Variants in POLR3A observed in about 807,000 individuals in gnomAD.
POLR3A encodes RNA polymerase III subunit A, also known as DNA-directed RNA polymerase III subunit RPC1.
A neutral mutation model predicts 152.8 loss-of-function variants in POLR3A; 112 were observed. The ratio of observed to expected loss-of-function variants is 0.73; its 90% CI spans 0.63 to 0.86. POLR3A has a LOEUF of 0.86. Among genes scored for constraint, POLR3A ranks in the 40% least tolerant of loss-of-function variants. The pLI is 0.00. For missense variants in POLR3A, 1,385 were observed against 1,743.1 expected (o/e 0.79, Z 3.66); for synonymous variants, 615 against 652.1 (o/e 0.94, Z 0.87).
intron 2 of POLR3A, 28 bp from the exon 3 acceptor site, chr10:78,025,787 AAC>A (rs748604907): frequency 1.2e-6 from 2 of 1,611,542 alleles, no homozygotes; most frequent in African/African-American, 2.7e-5. Context: ...CCCAATGATC[AAC>A]ACAGACTGCT....
At chr10:78,000,155 A>G in intron 18 of POLR3A, 37 bp from the exon 19 acceptor site, 1 of 1,608,036 alleles carries the variant, frequency 6.2e-7, no homozygotes, top group Non-Finnish European at 8.5e-7. Context: ...TCAAACAAAA[A>G]AAGTTCAAGG....
intron 16 of POLR3A, among the ~76,000 whole-genome samples, chr10:78,004,369 A>T (rs1847389713): frequency 1.3e-5 from 2 of 152,240 alleles, no homozygotes; most frequent in African/African-American, 4.8e-5. Context: ...TACCAGTTAC[A>T]GAAGGGACCT....
chr10:78,018,890 T>G (rs376330221), intron 9 of POLR3A, among the ~76,000 whole-genome samples: 1 of 152,268 alleles, frequency 6.6e-6, no homozygotes, highest in East Asian at 1.9e-4. Flanking sequence ...CCAGCAATAA[T>G]GATCCTCTTT....
intron 28 of POLR3A, 109 bp downstream of exon 28, chr10:77,982,045 A>AAG: frequency 3.3e-6 from 2 of 609,406 alleles, no homozygotes; most frequent in Non-Finnish European, 5.2e-6. Flanking sequence ...TCTCAAAAAA[A>AAG]AAAAAAAAAA....
chr10:77,992,428 C>A (rs1389342788), intron 20 of POLR3A, among the ~76,000 whole-genome samples: 3 of 147,506 alleles, frequency 2.0e-5, no homozygotes. Context: ...GCCATCATCC[C>A]TGGCTAATTC....
At chr10:78,000,201 C>T in intron 18 of POLR3A, 83 bp from the exon 19 acceptor site, 7 of 1,246,318 alleles carry the variant, frequency 5.6e-6, no homozygotes, top group East Asian at 2.5e-5. Flanking sequence ...TCAGAAAATG[C>T]CCCACCTTGA....
chr10:77,987,857 G>A (rs916209940), intron 21 of POLR3A, among the ~76,000 whole-genome samples: 1 of 152,224 alleles, frequency 6.6e-6, no homozygotes, highest in African/African-American at 2.4e-5. Flanking sequence ...TCACTGTGAG[G>A]TGGCATGGCT....
intron 21 of POLR3A, among the ~76,000 whole-genome samples, chr10:77,988,713 G>A (rs1435119366): frequency 6.6e-6 from 1 of 152,150 alleles, no homozygotes. Flanking sequence ...ATATTCAAAG[G>A]CATTTGCACT....
intron 21 of POLR3A, among the ~76,000 whole-genome samples, chr10:77,989,366 G>A (rs1351732476): frequency 6.6e-6 from 1 of 152,194 alleles, no homozygotes; most frequent in Admixed American, 6.5e-5. Context: ...GGCTAGGGCT[G>A]GAGAACATTT....
At chr10:78,008,109 C>T (rs1239379566) in intron 14 of POLR3A, among the ~76,000 whole-genome samples, 1 of 151,934 alleles carries the variant, frequency 6.6e-6, no homozygotes, top group Non-Finnish European at 1.5e-5. Context: ...TACCAGTTGA[C>T]CCTCACTCTC....
chr10:78,027,078 T>G (rs1847642302), intron 1 of POLR3A, among the ~76,000 whole-genome samples: 1 of 152,054 alleles, frequency 6.6e-6, no homozygotes, highest in Admixed American at 6.6e-5. Context: ...TATACAAATG[T>G]GAACAGATGC....
At chr10:77,977,714 A>C in intron 30 of POLR3A, 88 bp from the exon 31 acceptor site, 1 of 1,160,020 alleles carries the variant, frequency 8.6e-7, no homozygotes, top group South Asian at 1.2e-5. Flanking sequence ...GTGTCAGAAA[A>C]TTAGGATGTG....
Position 77,991,072 on chromosome 10 carries a change from G to A in POLR3A, c.2883C>T (p.Cys961=). 1 of 1,607,064 alleles carries A rather than the reference G, an allele frequency of 6.2e-7. No individual in the cohort carries two copies. The highest frequency in any genetic ancestry group is 8.5e-7 in the Non-Finnish European group (1 of 1,173,640). Residue 961 remains cysteine (C), a synonymous_variant, in exon 21 of 31, where the codon TGC becomes TGT. Transcript: ENST00000372371. The part of the protein sequence containing the change: ...SIMKKSEFLC[C]QDSFLQEIKK... ...AGCTCACCTGCAGGAAGCTGTCCTGGCAGCAGAGGAACTCACTCTTCTTCA... is the reference window on the plus strand; with the variant it reads ...AGCTCACCTGCAGGAAGCTGTCCTGACAGCAGAGGAACTCACTCTTCTTCA...
At chr10:78,026,072 A>AG in intron 2 of POLR3A, 22 bp downstream of exon 2, 1 of 1,613,682 alleles carries the variant, frequency 6.2e-7, no homozygotes, top group Non-Finnish European at 8.5e-7. Flanking sequence ...CACAGTTACC[A>AG]GGAGGGGTGA....
At position 77,982,875 on chromosome 10, in the gene POLR3A, A is replaced by G. The variant is rs1180839341; in HGVS notation, c.3430-58T>C. On this transcript the variant is annotated intron_variant, in intron 26 of 30. Coordinates refer to ENST00000372371, the MANE Select transcript of POLR3A (RefSeq NM_007055.4). ...TCCAGTGTTGTTCTTCGTTTATTTC[A>G]TTGTTGCCCCTCTAAGAAGTCCTTT... 1.9e-6 allele frequency: 3 copies of G among 1,543,426 alleles called. No individual in the cohort carries two copies. In the African/African-American group the frequency reaches 4.1e-5, roughly 21 times the overall value.
intron 4 of POLR3A, 70 bp downstream of exon 4, chr10:78,024,901 A>G: frequency 1.9e-6 from 3 of 1,573,404 alleles, no homozygotes; most frequent in Non-Finnish European, 1.7e-6. Context: ...CATTATGTAA[A>G]CCTAATAAAC....
chr10:78,021,701 G>T lies in POLR3A; in HGVS notation c.1049-19C>A. 1 of 1,613,950 alleles carries T rather than the reference G, an allele frequency of 6.2e-7. No homozygotes were observed. Among genetic ancestry groups the T allele is most frequent in the Non-Finnish European group, 8.5e-7 (1 of 1,179,958 alleles). On this transcript the variant is annotated intron_variant, in intron 7 of 30. Coordinates refer to ENST00000372371, the MANE Select transcript of POLR3A (RefSeq NM_007055.4). ...AATCGACCTAAATAGCCAAAAACAT[G>T]TCATAGGTCCCCATGGCATACCATG... is the stretch of plus-strand genomic sequence containing the variant.
At chr10:78,012,533 C>A (rs1433175966) in intron 11 of POLR3A, among the ~76,000 whole-genome samples, 1 of 152,048 alleles carries the variant, frequency 6.6e-6, no homozygotes, top group Non-Finnish European at 1.5e-5. Context: ...GGGACACTTA[C>A]AACTATAAGA....
At chr10:78,010,417 G>T in intron 12 of POLR3A, 54 bp downstream of exon 12, 1 of 1,279,842 alleles carries the variant, frequency 7.8e-7, no homozygotes, top group South Asian at 1.2e-5. Context: ...CTATGAACGA[G>T]GAACACTGTG....
Sources: allele counts gnomAD v4.1 joint callset (sites outside exome capture counted in the v4.1 genomes callset), GRCh38; gene constraint gnomAD v4.1.1; transcripts MANE v1.5; gene names NCBI Gene and HGNC (gene_info 2026-07-23, HGNC 2026-07-21).